The following PARD3 variants were observed in gnomAD, a reference collection of about 807,000 sequenced individuals.
PARD3 encodes the protein partitioning defective 3 homolog.
PARD3 carries 75 observed loss-of-function variants against 155.4 expected under a neutral mutation model. That is an observed-to-expected ratio of 0.48 (90% CI 0.40 to 0.58). PARD3 has a LOEUF of 0.58. PARD3 is among the 20% of genes least tolerant of loss of function. PARD3 has a pLI of 0.00. For missense variants in PARD3, 1,642 were observed against 1,721.7 expected, an observed-to-expected ratio of 0.95 and a Z score of 0.82; for synonymous variants, 576 against 610.5, an observed-to-expected ratio of 0.94 and a Z score of 0.83.
At chr10:34,776,020 T>C (rs939957737) in intron 1 of PARD3, among the ~76,000 whole-genome samples, 10 of 151,914 alleles carry the variant, frequency 6.6e-5, no homozygotes, top group Admixed American at 3.3e-4. Context: ...AGCTCAGGAG[T>C]TCGAGATCAG....
chr10:34,451,261 G>C lies in PARD3; in HGVS notation c.583-813C>G, dbSNP rs531416830. ...AAATGAGAAAGCTAGGATAAACTAG[G>C]GGAGTCAAACTTTTTAGTTCAAAGA... On this transcript the variant is annotated intron_variant, in intron 4 of 24. Coordinates refer to ENST00000374788, the MANE Select transcript of PARD3 (RefSeq NM_001184785.2). 3.3e-5 allele frequency among the ~76,000 whole-genome samples: 5 copies of C among 152,168 alleles called. No individual in the cohort carries two copies. The East Asian group carries it at 7.7e-4, about 23-fold the overall frequency.
rs1233217771 is a variant in PARD3 at position 34,399,326 on chromosome 10, T to C, written c.890+4A>G. 1 of 1,580,612 alleles carries C rather than the reference T, an allele frequency of 6.3e-7. No individual in the cohort carries two copies. Among genetic ancestry groups the C allele is most frequent in the Non-Finnish European group, 8.7e-7 (1 of 1,149,486 alleles). On this transcript the variant is annotated splice_donor_region_variant and intron_variant, in intron 7 of 24. Coordinates refer to ENST00000374788, the MANE Select transcript of PARD3 (RefSeq NM_001184785.2). ...TTCAATTAAAAACCTCCAAGATACG[T>C]TACCTGCCGCCTCGAGCACTGAAAG...
chr10:34,345,909 T>C lies in PARD3; in HGVS notation c.2218+2056A>G, dbSNP rs1437407500. On this transcript the variant is annotated intron_variant, in intron 15 of 24. Coordinates refer to ENST00000374788, the MANE Select transcript of PARD3 (RefSeq NM_001184785.2). ...ATTTTCAAATTTGCAAAACACAAGA[T>C]GAATCAAAATATGCATATATACTTG... The C allele has an allele frequency of 4.1e-6, 4 of 984,924 alleles. No homozygotes were observed. The African/African-American group carries it at 7.0e-5, about 17-fold the overall frequency. 61.0% of individuals were successfully genotyped at this position (984,924 alleles called of 1,614,324 possible). A position where few individuals can be genotyped will look rare whatever the true frequency, so the allele number is the denominator to read the frequency against.
At chr10:34,757,700 A>G (rs1564587100) in intron 1 of PARD3, among the ~76,000 whole-genome samples, 1 of 152,078 alleles carries the variant, frequency 6.6e-6, no homozygotes, top group Non-Finnish European at 1.5e-5. Flanking sequence ...CAAGAAAAAA[A>G]AAAAGAAAAG....
At chr10:34,780,750 A>C (rs1231865915) in intron 1 of PARD3, among the ~76,000 whole-genome samples, 1 of 152,214 alleles carries the variant, frequency 6.6e-6, no homozygotes, top group Non-Finnish European at 1.5e-5. Context: ...TGCCATTCAA[A>C]ATTGCTGTTA....
chr10:34,811,123 T>G (rs1844105752), intron 1 of PARD3, among the ~76,000 whole-genome samples: 1 of 152,116 alleles, frequency 6.6e-6, no homozygotes, highest in Non-Finnish European at 1.5e-5. Flanking sequence ...CAACCTTTAT[T>G]TAGAATGAAA....
At chr10:34,579,005 G>C (rs1365862170) in intron 2 of PARD3, among the ~76,000 whole-genome samples, 5 of 152,218 alleles carry the variant, frequency 3.3e-5, no homozygotes, top group South Asian at 4.1e-4. Context: ...GCGCGCAGTA[G>C]CTCATTCCTG....
intron 4 of PARD3, among the ~76,000 whole-genome samples, chr10:34,467,580 TC>T (rs2078091038): frequency 6.6e-6 from 1 of 151,400 alleles, no homozygotes; most frequent in South Asian, 2.1e-4. Context: ...AGACCCCGTT[TC>T]TAAAAAAATT....
chr10:34,169,200 T>C (rs1949674485), intron 22 of PARD3, among the ~76,000 whole-genome samples: 1 of 152,234 alleles, frequency 6.6e-6, no homozygotes, highest in Admixed American at 6.5e-5. Context: ...ATTCAATTTC[T>C]ATGTGCTGTG....
At chr10:34,538,685 A>C (rs2083388303) in intron 2 of PARD3, among the ~76,000 whole-genome samples, 1 of 152,246 alleles carries the variant, frequency 6.6e-6, no homozygotes, top group Non-Finnish European at 1.5e-5. Flanking sequence ...AGTGGAGGCC[A>C]GACGAGCTGG....
At chr10:34,414,222 TAA>T (rs768850296) in intron 5 of PARD3, among the ~76,000 whole-genome samples, 2 of 139,920 alleles carry the variant, frequency 1.4e-5, no homozygotes, top group Admixed American at 7.2e-5. Context: ...CCCTCGCTCT[TAA>T]AAAAAAAAAG....
intron 1 of PARD3, among the ~76,000 whole-genome samples, chr10:34,808,142 C>A (rs1009736803): frequency 1.3e-5 from 2 of 151,716 alleles, no homozygotes; most frequent in Admixed American, 6.6e-5. Context: ...GGCGAGATGC[C>A]GTCTCTACAA....
At chr10:34,213,331 C>G (rs1951844546) in intron 22 of PARD3, among the ~76,000 whole-genome samples, 1 of 152,172 alleles carries the variant, frequency 6.6e-6, no homozygotes, top group Non-Finnish European at 1.5e-5. Flanking sequence ...CCCACCAGAG[C>G]AAGAACTCAC....
intron 3 of PARD3, among the ~76,000 whole-genome samples, chr10:34,512,158 C>T (rs1268229688): frequency 6.6e-6 from 1 of 152,128 alleles, no homozygotes; most frequent in Non-Finnish European, 1.5e-5. Context: ...CCAATGCTAC[C>T]ATTATGTCTT....
intron 22 of PARD3, among the ~76,000 whole-genome samples, chr10:34,213,816 G>A (rs563353369): frequency 9.2e-5 from 14 of 152,240 alleles, no homozygotes; most frequent in Admixed American, 5.2e-4. Context: ...AATGACAAAC[G>A]ATTGACTTTT....
chr10:34,776,042 C>G (rs1307076832), intron 1 of PARD3, among the ~76,000 whole-genome samples: 1 of 152,138 alleles, frequency 6.6e-6, no homozygotes, highest in Non-Finnish European at 1.5e-5. Flanking sequence ...CTGGGCAACA[C>G]AGTAAGACCT....
chr10:34,739,794 C>A (rs947407407), intron 1 of PARD3, among the ~76,000 whole-genome samples: 3 of 152,212 alleles, frequency 2.0e-5, no homozygotes, highest in Non-Finnish European at 4.4e-5. Context: ...ATGCCCCATG[C>A]ACTGACCTCT....
chr10:34,207,656 C>T (rs565582301), intron 22 of PARD3, among the ~76,000 whole-genome samples: 1 of 152,284 alleles, frequency 6.6e-6, no homozygotes, highest in South Asian at 2.1e-4. Context: ...GATATTTTCA[C>T]CCTTTTTACA....
At chr10:34,486,861 T>C (rs1292599069) in intron 3 of PARD3, among the ~76,000 whole-genome samples, 1 of 152,026 alleles carries the variant, frequency 6.6e-6, no homozygotes, top group Non-Finnish European at 1.5e-5. Context: ...ATATATTATA[T>C]ATGTACACAT....
Sources: gnomAD v4.1 joint callset for allele counts (sites outside exome capture counted in the v4.1 genomes callset) on GRCh38, gnomAD v4.1.1 for gene constraint, MANE v1.5 for transcripts, NCBI Gene and HGNC (gene_info 2026-07-23, HGNC 2026-07-21) for gene names.